The following DNAH7 variants were observed in gnomAD, a reference collection of about 807,000 sequenced individuals.
DNAH7 encodes the protein dynein axonemal heavy chain 7.
Under a neutral mutation model 444.6 loss-of-function variants are expected in DNAH7, and 397 were observed. The ratio of observed to expected loss-of-function variants is 0.89; its 90% CI spans 0.82 to 0.97. The LOEUF is 0.97. Ranked by LOEUF, DNAH7 falls within the 50% of genes least tolerant of loss-of-function variation. The pLI, the probability that DNAH7 is intolerant of heterozygous loss-of-function variation, is 0.00. For synonymous variants in DNAH7, 1,636 were observed against 1,624.4 expected, an observed-to-expected ratio of 1.01 and a Z score of -0.17; for missense variants, 4,902 against 4,800.8, an observed-to-expected ratio of 1.02 and a Z score of -0.62.
At chr2:195,778,436 G>A (rs1234772966) in intron 58 of DNAH7, among the ~76,000 whole-genome samples, 1 of 149,260 alleles carries the variant, frequency 6.7e-6, no homozygotes, top group Non-Finnish European at 1.5e-5. Context: ...CCAGTAGTTT[G>A]AGAACAGCCT....
chr2:196,001,647 A>G (rs1694040917), intron 11 of DNAH7, 28 bp downstream of exon 11: 1 of 1,464,152 alleles, frequency 6.8e-7, no homozygotes, highest in Non-Finnish European at 9.1e-7. Context: ...ATTTGTAAAT[A>G]CATATTGGTG....
chr2:195,883,796 C>A (rs1240691079), intron 35 of DNAH7, among the ~76,000 whole-genome samples: 1 of 152,084 alleles, frequency 6.6e-6, no homozygotes, highest in Admixed American at 6.6e-5. Context: ...ACAGTAATGC[C>A]TTTTCTAGAA....
chr2:196,017,688 C>T (rs1559338773), intron 9 of DNAH7, among the ~76,000 whole-genome samples: 1 of 143,984 alleles, frequency 6.9e-6, no homozygotes. Context: ...CAAAGGTGAT[C>T]GCTCCATTAA....
intron 10 of DNAH7, among the ~76,000 whole-genome samples, chr2:196,005,753 G>C (rs1694336178): frequency 6.6e-6 from 1 of 151,916 alleles, no homozygotes; most frequent in Non-Finnish European, 1.5e-5. Context: ...AAAAGGCCAG[G>C]ACTAGATGGC....
chr2:195,820,753 T>G (rs1030920666), intron 49 of DNAH7, among the ~76,000 whole-genome samples: 28 of 151,440 alleles, frequency 1.8e-4, no homozygotes, highest in African/African-American at 6.8e-4. Flanking sequence ...AATCTGAGGG[T>G]TTTTTTAAAT....
At chr2:196,020,669 G>A (rs1695326043) in intron 8 of DNAH7, among the ~76,000 whole-genome samples, 1 of 148,986 alleles carries the variant, frequency 6.7e-6, no homozygotes, top group South Asian at 2.1e-4. Context: ...GGAGTGCAGT[G>A]GCACGATCTC....
intron 40 of DNAH7, 78 bp from the exon 41 acceptor site, chr2:195,865,099 C>A: frequency 7.2e-7 from 1 of 1,388,836 alleles, no homozygotes; most frequent in Non-Finnish European, 9.6e-7. Flanking sequence ...GTGCTAATCT[C>A]AGGTAATAAA....
At chr2:195,904,278 T>G (rs1686881474) in intron 27 of DNAH7, 2 of 152,466 alleles carry the variant, frequency 1.3e-5, no homozygotes, top group Middle Eastern at 3.4e-3. Flanking sequence ...AGGTCAGATC[T>G]GAACTGTACA....
At chr2:195,832,203 T>C (rs1698108477) in intron 48 of DNAH7, among the ~76,000 whole-genome samples, 1 of 152,162 alleles carries the variant, frequency 6.6e-6, no homozygotes, top group Non-Finnish European at 1.5e-5. Context: ...TGACCCATAC[T>C]TTGGAAAACA....
intron 15 of DNAH7, among the ~76,000 whole-genome samples, chr2:195,976,486 G>C (rs1023392389): frequency 1.3e-5 from 2 of 152,066 alleles, no homozygotes; most frequent in African/African-American, 2.4e-5. Context: ...GACACTCGGA[G>C]CTGGGGGAAC....
At chr2:195,800,545 G>A (rs919646100) in intron 54 of DNAH7, among the ~76,000 whole-genome samples, 2 of 152,114 alleles carry the variant, frequency 1.3e-5, no homozygotes, top group Non-Finnish European at 2.9e-5. Flanking sequence ...CCCTGAACAG[G>A]GGATTAAATG....
intron 21 of DNAH7, among the ~76,000 whole-genome samples, chr2:195,927,606 T>G (rs1428426654): frequency 6.6e-6 from 1 of 151,724 alleles, no homozygotes; most frequent in Non-Finnish European, 1.5e-5. Context: ...AGAAGGACAC[T>G]GTGGGGAGAA....
intron 37 of DNAH7, among the ~76,000 whole-genome samples, chr2:195,876,163 T>A (rs562561989): frequency 5.3e-5 from 8 of 152,106 alleles, no homozygotes; most frequent in Non-Finnish European, 4.4e-5. Context: ...TGAAAATAGA[T>A]GAGAAAAGTG....
chr2:195,971,615 G>A (rs1190925209), intron 16 of DNAH7, among the ~76,000 whole-genome samples: 4 of 152,148 alleles, frequency 2.6e-5, no homozygotes, highest in Non-Finnish European at 5.9e-5. Context: ...GAGTGATGGG[G>A]AGAATGTGCA....
Position 195,997,761 on chromosome 2 carries a change from T to C in DNAH7, c.1353+2943A>G, listed in dbSNP as rs184791595. On this transcript the variant is annotated intron_variant, in intron 12 of 64. Coordinates refer to ENST00000312428, the MANE Select transcript of DNAH7 (RefSeq NM_018897.3). Reference sequence around the variant, plus strand: ...AGCTATATAAATTCCATTTCTGCAATTGTTGTCAAAGATCACTGAGATCAT... The same window carrying C: ...AGCTATATAAATTCCATTTCTGCAACTGTTGTCAAAGATCACTGAGATCAT... Among the ~76,000 whole-genome samples the C allele has an allele frequency of 6.8e-4, 104 of 152,300 alleles. 1 individual carries two copies. The highest frequency in any genetic ancestry group is 2.3e-3 in the African/African-American group (97 of 41,570).
intron 46 of DNAH7, among the ~76,000 whole-genome samples, chr2:195,846,947 A>ATGTGTGTGTGTGTGTGTGTGTG (rs1315064692): frequency 2.8e-5 from 3 of 108,874 alleles, no homozygotes; most frequent in African/African-American, 1.7e-4. Flanking sequence ...AAACTCCCAT[A>ATGTGTGTGTGTGTGTGTGTGTG]TATGTGTGTG....
chr2:195,805,792 C>T (rs1270611626), intron 54 of DNAH7, among the ~76,000 whole-genome samples: 2 of 152,188 alleles, frequency 1.3e-5, no homozygotes, highest in African/African-American at 4.8e-5. Flanking sequence ...GATACTTGGG[C>T]CTTGGCTAAG....
chr2:195,798,561 T>TG (rs1696280790), intron 55 of DNAH7, among the ~76,000 whole-genome samples: 1 of 143,886 alleles, frequency 6.9e-6, no homozygotes, highest in Non-Finnish European at 1.5e-5. Context: ...TTTTTTTTCT[T>TG]GAGATGGAGT....
At chr2:196,004,446 TAATC>T (rs538294837) in intron 10 of DNAH7, among the ~76,000 whole-genome samples, 21 of 152,308 alleles carry the variant, frequency 1.4e-4, no homozygotes, top group East Asian at 1.2e-3. Flanking sequence ...ACAAAATCAT[TAATC>T]AATAACAGAA....
Sources: gnomAD v4.1 joint callset for allele counts (sites outside exome capture counted in the v4.1 genomes callset) on GRCh38, gnomAD v4.1.1 for gene constraint, MANE v1.5 for transcripts, NCBI Gene and HGNC (gene_info 2026-07-23, HGNC 2026-07-21) for gene names.